RIN2: variants seen among roughly 807,000 people sequenced by gnomAD.
RIN2 encodes Ras and Rab interactor 2.
Under a neutral mutation model 78.0 loss-of-function variants are expected in RIN2, and 36 were observed. The observed-to-expected ratio is 0.46, with a 90% CI of 0.35 to 0.61. The LOEUF is 0.61. Among genes scored for constraint, RIN2 ranks in the 20% least tolerant of loss-of-function variants. The pLI is 0.00. For missense variants in RIN2, 1,087 were observed against 1,159.7 expected (o/e 0.94, Z 0.91); for synonymous variants, 466 against 466.8 (o/e 1.00, Z 0.02).
chr20:19,796,992 G>T (rs188359541), intron 1 of RIN2, among the ~76,000 whole-genome samples: 1 of 152,356 alleles, frequency 6.6e-6, no homozygotes, highest in African/African-American at 2.4e-5. Context: ...GAGGATGAAT[G>T]AAAGCTGCCC....
At chr20:19,844,876 C>T (rs1185816804) in intron 2 of RIN2, among the ~76,000 whole-genome samples, 2 of 151,920 alleles carry the variant, frequency 1.3e-5, no homozygotes, top group Non-Finnish European at 2.9e-5. Flanking sequence ...TAATGCTATT[C>T]CTCCACAGTC....
chr20:19,946,045 G>A (rs1028282098), intron 4 of RIN2, among the ~76,000 whole-genome samples: 1 of 152,178 alleles, frequency 6.6e-6, no homozygotes, highest in Non-Finnish European at 1.5e-5. Flanking sequence ...CTCCCTGCCC[G>A]CTAAGCTCCT....
intron 4 of RIN2, among the ~76,000 whole-genome samples, chr20:19,941,035 C>A (rs1475920294): frequency 2.0e-5 from 3 of 152,188 alleles, no homozygotes; most frequent in Non-Finnish European, 4.4e-5. Context: ...TCGCTGGTGT[C>A]CTCTAGCCCA....
At chr20:19,888,994 C>A in intron 2 of RIN2, 2 of 341,736 alleles carry the variant, frequency 5.9e-6, no homozygotes, top group Non-Finnish European at 8.3e-6. Flanking sequence ...ACATGTTGTC[C>A]TCTTCCGTGA....
At chr20:19,793,690 A>T (rs566399655) in intron 1 of RIN2, among the ~76,000 whole-genome samples, 1 of 152,342 alleles carries the variant, frequency 6.6e-6, no homozygotes, top group African/African-American at 2.4e-5. Context: ...GCACAAAGAA[A>T]CTTATTTTAC....
chr20:19,945,473 C>A (rs1316320057), intron 4 of RIN2, among the ~76,000 whole-genome samples: 1 of 152,152 alleles, frequency 6.6e-6, no homozygotes. Context: ...CACTTTCCTG[C>A]CAGGACTGTC....
intron 4 of RIN2, among the ~76,000 whole-genome samples, chr20:19,953,217 C>A (rs1255927246): frequency 1.3e-5 from 2 of 152,146 alleles, no homozygotes; most frequent in East Asian, 3.9e-4. Context: ...CGGCTCACTG[C>A]AACCTCCACC....
intron 2 of RIN2, among the ~76,000 whole-genome samples, chr20:19,821,844 T>C (rs903268092): frequency 6.6e-6 from 1 of 152,196 alleles, no homozygotes; most frequent in African/African-American, 2.4e-5. Context: ...TGGTAGTGTC[T>C]GGGTGCAAAG....
At chr20:19,870,768 G>C (rs1291881527) in intron 2 of RIN2, among the ~76,000 whole-genome samples, 1 of 152,346 alleles carries the variant, frequency 6.6e-6, no homozygotes, top group Non-Finnish European at 1.5e-5. Flanking sequence ...GAGTGGGTAT[G>C]ATGTTTCTTC....
intron 2 of RIN2, among the ~76,000 whole-genome samples, chr20:19,816,303 G>T (rs1455979475): frequency 6.6e-6 from 1 of 152,144 alleles, no homozygotes; most frequent in African/African-American, 2.4e-5. Flanking sequence ...TTAACAGTTT[G>T]TGATCACCTA....
intron 2 of RIN2, among the ~76,000 whole-genome samples, chr20:19,858,809 A>G (rs920517516): frequency 6.6e-6 from 1 of 152,154 alleles, no homozygotes; most frequent in African/African-American, 2.4e-5. Context: ...TCAAGGGTAA[A>G]TGTTTGGGTC....
intron 3 of RIN2, among the ~76,000 whole-genome samples, chr20:19,916,027 G>A (rs1312628239): frequency 6.6e-6 from 1 of 152,118 alleles, no homozygotes; most frequent in African/African-American, 2.4e-5. Flanking sequence ...GGATCACGAG[G>A]TCAAGAGACC....
intron 2 of RIN2, among the ~76,000 whole-genome samples, chr20:19,844,528 C>T (rs184957749): frequency 6.6e-6 from 1 of 152,182 alleles, no homozygotes; most frequent in East Asian, 1.9e-4. Flanking sequence ...GGGTGCATGG[C>T]TGGTGTGTGA....
At chr20:19,913,517 C>G (rs1360853296) in intron 3 of RIN2, among the ~76,000 whole-genome samples, 2 of 152,176 alleles carry the variant, frequency 1.3e-5, no homozygotes, top group Admixed American at 6.5e-5. Context: ...GCAACCATCA[C>G]CACCATCCAT....
chr20:19,852,918 T>C (rs1463167005), intron 2 of RIN2, among the ~76,000 whole-genome samples: 1 of 151,954 alleles, frequency 6.6e-6, no homozygotes. Flanking sequence ...AGTTCTAGGG[T>C]ACATGTGCAC....
chr20:19,958,984 G>C (rs542320382), intron 5 of RIN2, among the ~76,000 whole-genome samples: 1 of 152,302 alleles, frequency 6.6e-6, no homozygotes, highest in East Asian at 1.9e-4. Context: ...TGGGCTCTTG[G>C]GGTGCCCATC....
rs183051392 is a variant in RIN2, at chr20:19,925,392, G to A, written c.58-9707G>A. Among the ~76,000 whole-genome samples the A allele has an allele frequency of 2.0e-4, 30 of 152,324 alleles. No individual in the cohort carries two copies. In the East Asian group the frequency reaches 3.9e-3, roughly 20 times the overall value. On this transcript the variant is annotated intron_variant, in intron 3 of 12. Transcript: ENST00000255006. ...AGGAGACTTTATTACTTCAAGATGA[G>A]GAACTTCTTTCTAGGCAAGGGCCAA...
chr20:19,984,983 A>G (rs1437449186), intron 9 of RIN2, among the ~76,000 whole-genome samples: 2 of 152,186 alleles, frequency 1.3e-5, no homozygotes, highest in Non-Finnish European at 2.9e-5. Context: ...TCTGTGGACA[A>G]TGATTCTGAT....
chr20:20,000,517 G>T, intron 12 of RIN2, 96 bp from the exon 13 acceptor site: 1 of 963,180 alleles, frequency 1.0e-6, no homozygotes, highest in Non-Finnish European at 1.6e-6. Flanking sequence ...AAAGGGCCTG[G>T]AAATGGCTTA....
Sources: gnomAD v4.1 joint callset for allele counts (sites outside exome capture counted in the v4.1 genomes callset) on GRCh38, gnomAD v4.1.1 for gene constraint, MANE v1.5 for transcripts, NCBI Gene and HGNC (gene_info 2026-07-23, HGNC 2026-07-21) for gene names.